ZNF471: variants seen among roughly 807,000 people sequenced by gnomAD.
ZNF471 encodes the protein EZFIT-related protein 1.
A neutral mutation model predicts 13.7 loss-of-function variants in ZNF471; 7 were observed. The ratio of observed to expected loss-of-function variants is 0.51; its 90% CI spans 0.29 to 0.96. ZNF471 has a LOEUF of 0.96. Among genes scored for constraint, ZNF471 ranks in the 40% least tolerant of loss-of-function variants. ZNF471 has a pLI of 0.08. For synonymous variants in ZNF471, 218 were observed against 235.6 expected, an observed-to-expected ratio of 0.93 and a Z score of 0.68; for missense variants, 663 against 743.3, an observed-to-expected ratio of 0.89 and a Z score of 1.26.
At chr19:56,514,172 G>T (rs1000397971) in intron 2 of ZNF471, among the ~76,000 whole-genome samples, 1 of 146,502 alleles carries the variant, frequency 6.8e-6, no homozygotes, top group African/African-American at 2.5e-5. Context: ...AGCAATTCTC[G>T]TGCCTCGGCC....
chr19:56,510,068 T>C lies in ZNF471; in HGVS notation c.-55-1449T>C. On this transcript the variant is annotated intron_variant, in intron 1 of 4. Transcript: ENST00000308031. This position sits in a 1 kb window ranked among gnomAD's most constrained non-coding sequence, Gnocchi z 4.3. ...TGTGAGTGTGTGAGAGACCAATGGG[T>C]ATGTGAGAGACTAGAGTATGTCTCT... The C allele has an allele frequency of 1.0e-6, 1 of 985,146 alleles. No individual in the cohort carries two copies. Among genetic ancestry groups the C allele is most frequent in the Non-Finnish European group, 1.2e-6 (1 of 829,882 alleles). The allele number at this position is 985,146 out of a possible 1,614,324, so 61.0% of individuals were successfully genotyped here.
Position 56,510,209 on chromosome 19 carries a change from AGT to A in ZNF471, c.-55-1303_-55-1302del, listed in dbSNP as rs1334669965. On this transcript the variant is annotated intron_variant, in intron 1 of 4. Coordinates refer to ENST00000308031, the MANE Select transcript of ZNF471 (RefSeq NM_020813.4). This position sits in a 1 kb window ranked among gnomAD's most constrained non-coding sequence, Gnocchi z 4.3. ...AAGCAGTTGGAATATGAGAGATCAG[AGT>A]GTGTTTGTGTATCTGTGTGAGACAC... The A allele has an allele frequency of 2.0e-6, 2 of 985,332 alleles. No homozygotes were observed. Among genetic ancestry groups the A allele is most frequent in the Admixed American group, 6.1e-5 (1 of 16,262 alleles). 61.0% of individuals were successfully genotyped at this position (985,332 alleles called of 1,614,324 possible). A position where few individuals can be genotyped will look rare whatever the true frequency, so the allele number is the denominator to read the frequency against.
At chr19:56,514,481 G>A (rs2043854942) in intron 2 of ZNF471, among the ~76,000 whole-genome samples, 1 of 152,116 alleles carries the variant, frequency 6.6e-6, no homozygotes, top group Non-Finnish European at 1.5e-5. Flanking sequence ...TCTTAGCTGT[G>A]ATAGTTTTTC....
chr19:56,508,240 T>C lies in ZNF471; in HGVS notation c.-56+320T>C, dbSNP rs1161225787. 8 of 915,606 alleles carry C rather than the reference T, an allele frequency of 8.7e-6. No homozygotes were observed. Among genetic ancestry groups the C allele is most frequent in the Non-Finnish European group, 7.8e-6 (6 of 772,484 alleles). 56.7% of individuals were successfully genotyped at this position (915,606 alleles called of 1,614,324 possible). On this transcript the variant is annotated intron_variant, in intron 1 of 4. Coordinates refer to ENST00000308031, the MANE Select transcript of ZNF471 (RefSeq NM_020813.4). The surrounding 1 kb of genome is among the most constrained non-coding windows in gnomAD (Gnocchi z 4.7). ...AGAGGGTGTGGTTTCTGTGTGTGTGTGTGTGTGTGTGTGACAGACCGAGAG... is the reference window on the plus strand; with the variant it reads ...AGAGGGTGTGGTTTCTGTGTGTGTGCGTGTGTGTGTGTGACAGACCGAGAG...
Position 56,525,221 on chromosome 19 carries a change from G to T in ZNF471, c.1154G>T (p.Ser385Ile). The T allele has an allele frequency of 2.5e-6, 4 of 1,614,080 alleles. No homozygotes were observed. The highest frequency in any genetic ancestry group is 8.5e-7 in the Non-Finnish European group (1 of 1,180,000). Residue 385 changes from serine to isoleucine, a missense_variant, in exon 5 of 5, where the codon AGT becomes ATT. Coordinates refer to ENST00000308031, the MANE Select transcript of ZNF471 (RefSeq NM_020813.4). ...FNCIDCGKAF[S>I]VHIGLILHRR... is the part of the protein sequence containing the mutation. ...TGCATTGATTGTGGGAAAGCCTTCA[G>T]TGTTCACATAGGACTTATTCTGCAT...
At chr19:56,515,465 A>T (rs545528990) in intron 2 of ZNF471, among the ~76,000 whole-genome samples, 1 of 152,250 alleles carries the variant, frequency 6.6e-6, no homozygotes, top group East Asian at 1.9e-4. Flanking sequence ...AAAGGTATGT[A>T]TATCTTCTAA....
Position 56,528,902 on chromosome 19 carries a change from G to A in ZNF471, c.*2954G>A, listed in dbSNP as rs549624090. On this transcript the variant is annotated 3_prime_UTR_variant, in exon 5 of 5. Coordinates refer to ENST00000308031, the MANE Select transcript of ZNF471 (RefSeq NM_020813.4). ...CAAGTAAAGTTGTTCCACTAGTAAAGTTGTTCTGGAGTATATTTTTTTTAA... is the reference window on the plus strand; with the variant it reads ...CAAGTAAAGTTGTTCCACTAGTAAAATTGTTCTGGAGTATATTTTTTTTAA... 6.6e-6 allele frequency: 1 copy of A among 150,552 alleles called. No individual in the cohort carries two copies. Among genetic ancestry groups the A allele is most frequent in the East Asian group, 1.9e-4 (1 of 5,176 alleles). The allele number at this position is 150,552 out of a possible 1,614,324, so 9.3% of individuals were successfully genotyped here.
At position 56,510,627 on chromosome 19, in the gene ZNF471, G is replaced by A. The variant is rs1362776198; in HGVS notation, c.-55-890G>A. 3 of 985,668 alleles carry A rather than the reference G, an allele frequency of 3.0e-6. No individual in the cohort carries two copies. The highest frequency in any genetic ancestry group is 3.5e-5 in the African/African-American group (2 of 57,330). 61.1% of individuals were successfully genotyped at this position (985,668 alleles called of 1,614,324 possible). On this transcript the variant is annotated intron_variant, in intron 1 of 4. Transcript: ENST00000308031. This position sits in a 1 kb window ranked among gnomAD's most constrained non-coding sequence, Gnocchi z 4.3. ...TGGGGTGCTTGTGATTGTGTCCTCCGTGTGACCATGAAACCTGTGTTAGTG... is the reference window on the plus strand; with the variant it reads ...TGGGGTGCTTGTGATTGTGTCCTCCATGTGACCATGAAACCTGTGTTAGTG...
Position 56,529,309 on chromosome 19 carries a change from G to A in ZNF471, c.*3361G>A, listed in dbSNP as rs1046843296. ...TGACAGTTGTCCAACTAGAAATAAA[G>A]TCAGCATCCCATTTGACTCCTTACA... On this transcript the variant is annotated 3_prime_UTR_variant, in exon 5 of 5. Coordinates refer to ENST00000308031, the MANE Select transcript of ZNF471 (RefSeq NM_020813.4). The A allele has an allele frequency of 1.3e-5, 2 of 152,164 alleles. No homozygotes were observed. Among genetic ancestry groups the A allele is most frequent in the African/African-American group, 4.8e-5 (2 of 41,434 alleles). The allele number at this position is 152,164 out of a possible 1,614,324, so 9.4% of individuals were successfully genotyped here.
In ZNF471 at chr19:56,508,034, G is replaced by A; in HGVS notation, c.-56+114G>A. ...GCCCAGCCGCGTCCTCTGTCCCCAGGACGACTACATTTCCCAGAGGCCAGC... is the reference window on the plus strand; with the variant it reads ...GCCCAGCCGCGTCCTCTGTCCCCAGAACGACTACATTTCCCAGAGGCCAGC... On this transcript the variant is annotated intron_variant, in intron 1 of 4. Transcript: ENST00000308031. The surrounding 1 kb of genome is among the most constrained non-coding windows in gnomAD (Gnocchi z 4.7). 2 of 985,696 alleles carry A rather than the reference G, an allele frequency of 2.0e-6. No individual in the cohort carries two copies. Among genetic ancestry groups the A allele is most frequent in the Non-Finnish European group, 2.4e-6 (2 of 830,084 alleles). 61.1% of individuals were successfully genotyped at this position (985,696 alleles called of 1,614,324 possible). A position where few individuals can be genotyped will look rare whatever the true frequency, so the allele number is the denominator to read the frequency against.
rs200721043 is a variant in ZNF471 at position 56,522,740 on chromosome 19, CTTTTTTTTT to C, written c.257-1579_257-1571del. ...GTAGCAATATATTTTTTCTTTTTTT[CTTTTTTTTT>C]TTTTGAGATGGAGTTTCATTCTTGT... On this transcript the variant is annotated intron_variant, in intron 4 of 4. Coordinates refer to ENST00000308031, the MANE Select transcript of ZNF471 (RefSeq NM_020813.4). The surrounding 1 kb of genome is among the most constrained non-coding windows in gnomAD (Gnocchi z 4.1). Among the ~76,000 whole-genome samples, 1 of 142,868 alleles carries C rather than the reference CTTTTTTTTT, an allele frequency of 7.0e-6. No individual in the cohort carries two copies. The highest frequency in any genetic ancestry group is 2.0e-4 in the East Asian group (1 of 4,984). The allele number at this position is 142,868 out of a possible 152,430, so 93.7% of individuals were successfully genotyped here.
chr19:56,519,749 G>A (rs537768184), intron 4 of ZNF471, among the ~76,000 whole-genome samples: 1 of 152,286 alleles, frequency 6.6e-6, no homozygotes, highest in Non-Finnish European at 1.5e-5. Context: ...TCTGCAGTTT[G>A]TTACCCACAG....
rs931917481 is a variant in ZNF471, at chr19:56,510,197, A to G, written c.-55-1320A>G. 2 of 985,384 alleles carry G rather than the reference A, an allele frequency of 2.0e-6. No individual in the cohort carries two copies. The highest frequency in any genetic ancestry group is 1.7e-5 in the African/African-American group (1 of 57,214). 61.0% of individuals were successfully genotyped at this position (985,384 alleles called of 1,614,324 possible). A position where few individuals can be genotyped will look rare whatever the true frequency, so the allele number is the denominator to read the frequency against. On this transcript the variant is annotated intron_variant, in intron 1 of 4. Transcript: ENST00000308031. The surrounding 1 kb of genome is among the most constrained non-coding windows in gnomAD (Gnocchi z 4.3). ...GTGCATGAGATAAAGCAGTTGGAAT[A>G]TGAGAGATCAGAGTGTGTTTGTGTA...
At position 56,528,266 on chromosome 19, in the gene ZNF471, G is replaced by A. The variant is rs2044071033; in HGVS notation, c.*2318G>A. ...AGTTAAAATACTTGATGTACATAAA[G>A]TGCTTAGCAAAATGACCAACTCATA... is the stretch of plus-strand genomic sequence containing the variant. On this transcript the variant is annotated 3_prime_UTR_variant, in exon 5 of 5. Transcript: ENST00000308031. 1 of 152,156 alleles carries A rather than the reference G, an allele frequency of 6.6e-6. No individual in the cohort carries two copies. Among genetic ancestry groups the A allele is most frequent in the Non-Finnish European group, 1.5e-5 (1 of 68,042 alleles). 9.4% of individuals were successfully genotyped at this position (152,156 alleles called of 1,614,324 possible). A position where few individuals can be genotyped will look rare whatever the true frequency, so the allele number is the denominator to read the frequency against.
rs548758776 is a variant in ZNF471 at position 56,511,007 on chromosome 19, C to T, written c.-55-510C>T. The stretch of plus-strand genomic sequence containing the variant: ...AGTGAAACAGTGCCGGGGGGTGGGT[C>T]AGGGATGCAGTGGTGGGGATTGAGT... On this transcript the variant is annotated intron_variant, in intron 1 of 4. Coordinates refer to ENST00000308031, the MANE Select transcript of ZNF471 (RefSeq NM_020813.4). 5 of 985,078 alleles carry T rather than the reference C, an allele frequency of 5.1e-6. No homozygotes were observed. In the East Asian group the frequency reaches 3.4e-4, roughly 67 times the overall value. 61.0% of individuals were successfully genotyped at this position (985,078 alleles called of 1,614,324 possible). A position where few individuals can be genotyped will look rare whatever the true frequency, so the allele number is the denominator to read the frequency against.
Position 56,518,546 on chromosome 19 carries a change from G to T in ZNF471, c.225G>T (p.Met75Ile). The change falls in exon 4 of 5, where the codon ATG (methionine) becomes ATT (isoleucine). Residue 75 changes from methionine (M) to isoleucine (I), a missense_variant. Met to Ile is a conservative substitution (Grantham distance 10). Coordinates refer to ENST00000308031, the MANE Select transcript of ZNF471 (RefSeq NM_020813.4). Reference protein sequence around the residue: ...LLEQGREPWEMTSEMTRSPFS... With the variant: ...LLEQGREPWEITSEMTRSPFS... Reference sequence around the variant, plus strand: ...AGCAAGGGAGAGAGCCTTGGGAGATGACGAGTGAGATGACAAGAAGCCCAT... The same window carrying T: ...AGCAAGGGAGAGAGCCTTGGGAGATTACGAGTGAGATGACAAGAAGCCCAT... 1 of 1,613,394 alleles carries T rather than the reference G, an allele frequency of 6.2e-7. No individual in the cohort carries two copies. The highest frequency in any genetic ancestry group is 8.5e-7 in the Non-Finnish European group (1 of 1,179,728).
In ZNF471 at chr19:56,516,358, C is replaced by T; in HGVS notation, c.117C>T (p.Tyr39=). The T allele has an allele frequency of 6.2e-7, 1 of 1,613,840 alleles. No individual in the cohort carries two copies. Among genetic ancestry groups the T allele is most frequent in the Non-Finnish European group, 8.5e-7 (1 of 1,179,816 alleles). The part of the protein sequence containing the change: ...QWMNPAQKRL[Y]RSMMLENYQS... The stretch of plus-strand genomic sequence containing the variant: ...TGAACCCTGCTCAGAAGCGTTTATA[C>T]AGGAGTATGATGTTGGAGAACTATC... Residue 39 remains tyrosine (Y), a synonymous_variant, in exon 3 of 5, where the codon TAC becomes TAT. Coordinates refer to ENST00000308031, the MANE Select transcript of ZNF471 (RefSeq NM_020813.4). The surrounding 1 kb of genome is among the most constrained non-coding windows in gnomAD (Gnocchi z 4.4).
chr19:56,522,410 T>C lies in ZNF471; in HGVS notation c.257-1914T>C, dbSNP rs983829489. Among the ~76,000 whole-genome samples, 1 of 152,260 alleles carries C rather than the reference T, an allele frequency of 6.6e-6. No homozygotes were observed. Reference sequence around the variant, plus strand: ...CACTTGATTATGTTTTGTATTATCTTCTCAAAACTTTTTTTGTTGGTCTTG... The same window carrying C: ...CACTTGATTATGTTTTGTATTATCTCCTCAAAACTTTTTTTGTTGGTCTTG... On this transcript the variant is annotated intron_variant, in intron 4 of 4. Coordinates refer to ENST00000308031, the MANE Select transcript of ZNF471 (RefSeq NM_020813.4). This position sits in a 1 kb window ranked among gnomAD's most constrained non-coding sequence, Gnocchi z 4.1.
chr19:56,511,820 C>A (rs1030952580), intron 2 of ZNF471, among the ~76,000 whole-genome samples: 2 of 152,258 alleles, frequency 1.3e-5, no homozygotes, highest in African/African-American at 4.8e-5. Flanking sequence ...CCTCTTCCCA[C>A]CTTGTGTACA....
Sources: allele counts gnomAD v4.1 joint callset (sites outside exome capture counted in the v4.1 genomes callset), GRCh38; gene constraint gnomAD v4.1.1; non-coding constraint Gnocchi (gnomAD v3.1); transcripts MANE v1.5; gene names NCBI Gene and HGNC (gene_info 2026-07-23, HGNC 2026-07-21).